Variants in RABGAP1L observed in about 807,000 individuals in gnomAD.
The protein encoded by RABGAP1L is RAB GTPase activating protein 1 like.
RABGAP1L carries 63 observed loss-of-function variants against 137.7 expected under a neutral mutation model. The ratio of observed to expected loss-of-function variants is 0.46; its 90% CI spans 0.37 to 0.56. The LOEUF (loss-of-function observed/expected upper bound fraction) is 0.56. RABGAP1L is among the 20% of genes least tolerant of loss of function. The pLI is 0.00. For synonymous variants in RABGAP1L, 431 were observed against 433.7 expected (o/e 0.99, Z 0.08); for missense variants, 1,095 against 1,244.0 (o/e 0.88, Z 1.80).
At chr1:174,485,957 C>T (rs1027089111) in intron 13 of RABGAP1L, among the ~76,000 whole-genome samples, 3 of 152,138 alleles carry the variant, frequency 2.0e-5, no homozygotes, top group African/African-American at 7.2e-5. Context: ...AGCAGCGAAG[C>T]CATCAGGTCC....
At chr1:174,540,267 C>T (rs1224265834) in intron 13 of RABGAP1L, among the ~76,000 whole-genome samples, 3 of 152,122 alleles carry the variant, frequency 2.0e-5, no homozygotes, top group South Asian at 4.2e-4. Flanking sequence ...GAGGGTAGTT[C>T]CTTTTGTTGT....
At chr1:174,351,246 GTACT>G (rs934463317) in intron 11 of RABGAP1L, among the ~76,000 whole-genome samples, 1 of 152,278 alleles carries the variant, frequency 6.6e-6, no homozygotes, top group African/African-American at 2.4e-5. Context: ...CTGTGTTTGT[GTACT>G]TACTATTACT....
At chr1:174,310,302 T>C (rs1308198838) in intron 11 of RABGAP1L, among the ~76,000 whole-genome samples, 1 of 152,168 alleles carries the variant, frequency 6.6e-6, no homozygotes, top group African/African-American at 2.4e-5. Context: ...TATACTATTG[T>C]GGTTGAAAAA....
chr1:174,852,932 A>G (rs1648624486), intron 19 of RABGAP1L, among the ~76,000 whole-genome samples: 1 of 152,192 alleles, frequency 6.6e-6, no homozygotes, highest in Non-Finnish European at 1.5e-5. Context: ...TTGTTAGGAT[A>G]ATCAAGTTTC....
intron 13 of RABGAP1L, among the ~76,000 whole-genome samples, chr1:174,578,683 G>C (rs1009527385): frequency 3.9e-5 from 6 of 152,070 alleles, no homozygotes. Flanking sequence ...ACCTAGAAAA[G>C]ATAGTTTATG....
At chr1:174,664,672 T>C (rs961844421) in intron 14 of RABGAP1L, among the ~76,000 whole-genome samples, 1 of 151,656 alleles carries the variant, frequency 6.6e-6, no homozygotes, top group Non-Finnish European at 1.5e-5. Context: ...TAAAACACTC[T>C]AGTGAATTTT....
At position 174,539,276 on chromosome 1, in the gene RABGAP1L, CTTT is replaced by C. The variant is rs556740668; in HGVS notation, c.1711-98093_1711-98091del. Among the ~76,000 whole-genome samples the C allele has an allele frequency of 3.4e-4, 51 of 151,304 alleles. No homozygotes were observed. In the South Asian group the frequency reaches 6.5e-3, roughly 19 times the overall value. ...TATTTTTGATTTATTTTTTTCATTT[CTTT>C]TTTTTCTTTTTTTTATTATTTTCTT... On this transcript the variant is annotated intron_variant, in intron 13 of 25. Transcript: ENST00000681986.
At chr1:174,559,948 A>G (rs1375583132) in intron 13 of RABGAP1L, among the ~76,000 whole-genome samples, 1 of 152,158 alleles carries the variant, frequency 6.6e-6, no homozygotes, top group East Asian at 1.9e-4. Context: ...AGCCTGGCCA[A>G]CATGGTGAAA....
At chr1:174,643,916 GGTGTGTGTGT>G (rs553946714) in intron 14 of RABGAP1L, among the ~76,000 whole-genome samples, 1 of 145,612 alleles carries the variant, frequency 6.9e-6, no homozygotes, top group Non-Finnish European at 1.5e-5. Flanking sequence ...CTTATATAGG[GGTGTGTGTGT>G]GTGTGTGTGT....
At chr1:174,599,813 G>T (rs1202522977) in intron 13 of RABGAP1L, among the ~76,000 whole-genome samples, 2 of 151,920 alleles carry the variant, frequency 1.3e-5, no homozygotes, top group Non-Finnish European at 2.9e-5. Context: ...GTCTTCTTTG[G>T]GTTAAATCTG....
At chr1:174,825,332 A>G (rs911897456) in intron 19 of RABGAP1L, among the ~76,000 whole-genome samples, 2 of 152,224 alleles carry the variant, frequency 1.3e-5, no homozygotes, top group Non-Finnish European at 2.9e-5. Context: ...CAACAGATTT[A>G]TCAGTGTGTT....
chr1:174,767,520 G>A (rs1252873199), intron 18 of RABGAP1L, among the ~76,000 whole-genome samples: 1 of 122,900 alleles, frequency 8.1e-6, no homozygotes, highest in East Asian at 3.2e-4. Flanking sequence ...AAATACAACT[G>A]ACTTTCCTTT....
At chr1:174,976,787 A>G (rs573563255) in intron 22 of RABGAP1L, among the ~76,000 whole-genome samples, 2 of 152,294 alleles carry the variant, frequency 1.3e-5, no homozygotes, top group African/African-American at 2.4e-5. Flanking sequence ...TAGCCAGAAA[A>G]TGCCACCAGT....
At chr1:174,893,037 C>T (rs1656516131) in intron 19 of RABGAP1L, 10 of 260,728 alleles carry the variant, frequency 3.8e-5, no homozygotes, top group South Asian at 2.2e-4. Flanking sequence ...TGAGCCACCA[C>T]GCCCAGCCAG....
chr1:174,956,653 T>C (rs1246319746), intron 19 of RABGAP1L, among the ~76,000 whole-genome samples: 1 of 150,320 alleles, frequency 6.7e-6, no homozygotes, highest in East Asian at 1.9e-4. Flanking sequence ...TTCTCTTCTT[T>C]TTTTTTTTTT....
intron 19 of RABGAP1L, among the ~76,000 whole-genome samples, chr1:174,949,617 T>C (rs1312151217): frequency 6.6e-6 from 1 of 152,168 alleles, no homozygotes; most frequent in Non-Finnish European, 1.5e-5. Context: ...ATCCAAATGA[T>C]GATAGGAAGT....
At chr1:174,590,330 T>G (rs1011524168) in intron 13 of RABGAP1L, among the ~76,000 whole-genome samples, 1 of 140,620 alleles carries the variant, frequency 7.1e-6, no homozygotes, top group African/African-American at 2.7e-5. Flanking sequence ...TGTATTGTTT[T>G]TTTTTCTTTT....
intron 15 of RABGAP1L, among the ~76,000 whole-genome samples, chr1:174,697,051 T>G (rs972540449): frequency 1.3e-5 from 2 of 152,114 alleles, no homozygotes; most frequent in Non-Finnish European, 2.9e-5. Context: ...TCAAGTAGAG[T>G]TGCCTGTTTA....
chr1:174,307,744 AT>A lies in RABGAP1L; in HGVS notation c.1465+2621del, dbSNP rs540335794. Among the ~76,000 whole-genome samples the A allele has an allele frequency of 9.3e-3, 1,414 of 152,220 alleles. 26 individuals are homozygous for A. The highest frequency in any genetic ancestry group is 0.033 in the African/African-American group (1,361 of 41,538). Reference sequence around the variant, plus strand: ...TTCAGTGGACACTGGTTGGTTCCATATTTTGGCTATTGTGAATAATGCTGCA... The same window carrying A: ...TTCAGTGGACACTGGTTGGTTCCATATTTGGCTATTGTGAATAATGCTGCA... On this transcript the variant is annotated intron_variant, in intron 11 of 25. Coordinates refer to ENST00000681986, the MANE Select transcript of RABGAP1L (RefSeq NM_001366446.1).
Sources: gnomAD v4.1 joint callset for allele counts (sites outside exome capture counted in the v4.1 genomes callset) on GRCh38, gnomAD v4.1.1 for gene constraint, MANE v1.5 for transcripts, NCBI Gene and HGNC (gene_info 2026-07-23, HGNC 2026-07-21) for gene names.